Variants in TAOK1 observed in about 807,000 individuals in gnomAD.
TAOK1 encodes the protein serine/threonine-protein kinase TAO1.
A neutral mutation model predicts 138.3 loss-of-function variants in TAOK1; 21 were observed. The ratio of observed to expected loss-of-function variants is 0.15; its 90% CI spans 0.11 to 0.22. The LOEUF (loss-of-function observed/expected upper bound fraction) is 0.22, where lower values mean the gene tolerates loss of function less well. TAOK1 is among the 10% of genes least tolerant of loss of function. TAOK1 has a pLI of 1.00. For missense variants in TAOK1, 651 were observed against 1,227.7 expected (o/e 0.53, Z 7.02); for synonymous variants, 361 against 398.4 (o/e 0.91, Z 1.12).
chr17:29,454,820 G>A (rs1007043400), intron 2 of TAOK1, among the ~76,000 whole-genome samples: 37 of 152,062 alleles, frequency 2.4e-4, no homozygotes, highest in African/African-American at 8.4e-4. Context: ...TCCTGCCTCA[G>A]CCTCTCAAGT....
chr17:29,479,768 T>A (rs944009450), intron 6 of TAOK1, among the ~76,000 whole-genome samples: 5 of 152,166 alleles, frequency 3.3e-5, no homozygotes, highest in Non-Finnish European at 7.4e-5. Context: ...TATAAATACA[T>A]GTTTTCTTAG....
chr17:29,540,566 T>C (rs1032508937), intron 19 of TAOK1, among the ~76,000 whole-genome samples: 3 of 151,124 alleles, frequency 2.0e-5, no homozygotes, highest in Non-Finnish European at 4.4e-5. Context: ...TTGTTTTTTG[T>C]TTTTGTTTTT....
rs539356210 is a variant in TAOK1 at position 29,450,171 on chromosome 17, C to T, written c.-94-1284C>T. Among the ~76,000 whole-genome samples, 41 of 151,316 alleles carry T rather than the reference C, an allele frequency of 2.7e-4. No homozygotes were observed. In the South Asian group the frequency reaches 8.0e-3, roughly 29 times the overall value. On this transcript the variant is annotated intron_variant, in intron 1 of 19. Transcript: ENST00000261716. ...GGGTGATCATCACTCACTGTAACCT[C>T]GAACCTCTGGGCACAAGTGATCCTC...
At chr17:29,395,824 A>ATTTTTTTTTTGTT (rs1904580795) in intron 1 of TAOK1, among the ~76,000 whole-genome samples, 1 of 72,106 alleles carries the variant, frequency 1.4e-5, no homozygotes, top group African/African-American at 6.4e-5. Context: ...CGTCTGGCTA[A>ATTTTTTTTTTGTT]TTTTTTTTTT....
At chr17:29,464,785 T>C (rs886147374) in intron 2 of TAOK1, among the ~76,000 whole-genome samples, 88 of 152,060 alleles carry the variant, frequency 5.8e-4, no homozygotes, top group African/African-American at 2.1e-3. Flanking sequence ...AGTTCTTCAC[T>C]GTACTCATGT....
At chr17:29,537,555 C>G (rs965476747) in intron 19 of TAOK1, among the ~76,000 whole-genome samples, 2 of 149,256 alleles carry the variant, frequency 1.3e-5, no homozygotes, top group Non-Finnish European at 3.0e-5. Flanking sequence ...TGGGGTTTCT[C>G]CATGTTGCCC....
chr17:29,500,826 A>G (rs1878760070), intron 12 of TAOK1, among the ~76,000 whole-genome samples: 1 of 152,130 alleles, frequency 6.6e-6, no homozygotes, highest in African/African-American at 2.4e-5. Flanking sequence ...ATGCTGCCAT[A>G]TGGTTGAATC....
chr17:29,478,976 T>C (rs2031001887), intron 6 of TAOK1, among the ~76,000 whole-genome samples: 1 of 151,990 alleles, frequency 6.6e-6, no homozygotes, highest in Non-Finnish European at 1.5e-5. Flanking sequence ...AATATGAAAA[T>C]TAGCTGGGCT....
chr17:29,489,546 G>C, intron 8 of TAOK1, 118 bp from the exon 9 acceptor site: 1 of 644,848 alleles, frequency 1.6e-6, no homozygotes, highest in Non-Finnish European at 2.5e-6. Context: ...GCAATTTTTT[G>C]TGTAAGTTTA....
In TAOK1 at chr17:29,464,263, G is replaced by A. The variant is rs574382604; in HGVS notation, c.133-2882G>A. Among the ~76,000 whole-genome samples the A allele has an allele frequency of 3.0e-4, 45 of 150,664 alleles. No individual in the cohort carries two copies. The South Asian group carries it at 8.0e-3, about 27-fold the overall frequency. On this transcript the variant is annotated intron_variant, in intron 2 of 19. Transcript: ENST00000261716. ...ATCCTGGCTAACACGATGAAACCCC[G>A]TCTCTACTAAAAAAAAAAAAATACA...
intron 16 of TAOK1, 113 bp downstream of exon 16, chr17:29,517,769 A>T: frequency 1.1e-6 from 1 of 925,048 alleles, no homozygotes; most frequent in Non-Finnish European, 1.6e-6. Context: ...CCTCTGTCTG[A>T]ATCATTCTTC....
chr17:29,480,318 A>G (rs1303872402), intron 6 of TAOK1, 50 bp from the exon 7 acceptor site: 1 of 1,349,270 alleles, frequency 7.4e-7, no homozygotes, highest in African/African-American at 1.4e-5. Context: ...CGTTTTAAAC[A>G]TAATCTATTG....
At chr17:29,414,948 G>A (rs1221205540) in intron 1 of TAOK1, among the ~76,000 whole-genome samples, 2 of 152,034 alleles carry the variant, frequency 1.3e-5, no homozygotes, top group Non-Finnish European at 1.5e-5. Flanking sequence ...GGACATGTGA[G>A]CCATTTTATA....
chr17:29,530,723 C>T, intron 18 of TAOK1, 104 bp downstream of exon 18: 2 of 952,348 alleles, frequency 2.1e-6, no homozygotes, highest in Non-Finnish European at 3.3e-6. Flanking sequence ...TGATAGCTCT[C>T]CTGAAGCTTG....
chr17:29,504,396 G>A (rs1315290774), intron 13 of TAOK1, among the ~76,000 whole-genome samples: 2 of 151,832 alleles, frequency 1.3e-5, no homozygotes, highest in South Asian at 2.1e-4. Context: ...GAGGCCAGGC[G>A]TGGTGGCTCA....
intron 11 of TAOK1, among the ~76,000 whole-genome samples, chr17:29,497,624 GTTAGT>G (rs1340625625): frequency 6.7e-6 from 1 of 149,710 alleles, no homozygotes; most frequent in Admixed American, 6.7e-5. Context: ...ATATGTAATT[GTTAGT>G]TTACACAAGA....
At chr17:29,503,085 T>C (rs987294014) in intron 13 of TAOK1, among the ~76,000 whole-genome samples, 3 of 152,024 alleles carry the variant, frequency 2.0e-5, no homozygotes, top group Admixed American at 6.6e-5. Context: ...AGAGGAGAAA[T>C]GAATGGTATT....
chr17:29,497,896 G>T (rs1420278735), intron 11 of TAOK1, among the ~76,000 whole-genome samples: 1 of 151,558 alleles, frequency 6.6e-6, no homozygotes, highest in Non-Finnish European at 1.5e-5. Flanking sequence ...TAGGCACTGT[G>T]CCCAGAATAG....
At chr17:29,518,967 A>G (rs2031869021) in intron 16 of TAOK1, among the ~76,000 whole-genome samples, 1 of 151,986 alleles carries the variant, frequency 6.6e-6, no homozygotes, top group African/African-American at 2.4e-5. Flanking sequence ...GGGTTTTGCC[A>G]TGTTGGCCTG....
Sources: gnomAD v4.1 joint callset for allele counts (sites outside exome capture counted in the v4.1 genomes callset) on GRCh38, gnomAD v4.1.1 for gene constraint, MANE v1.5 for transcripts, NCBI Gene and HGNC (gene_info 2026-07-23, HGNC 2026-07-21) for gene names.